Variants in ODR4 observed in about 807,000 individuals in gnomAD.
ODR4 encodes odr-4 GPCR localization factor homolog.
In ODR4, 47 loss-of-function variants were observed where a neutral mutation model predicts 60.2. The observed-to-expected ratio is 0.78, with a 90% CI of 0.62 to 1.00. ODR4 has a LOEUF of 1.00. Ranked by LOEUF, ODR4 falls within the 50% of genes least tolerant of loss-of-function variation. The probability of loss-of-function intolerance (pLI) is 0.00; values close to 1 mark genes in which losing one functional copy is unlikely to be tolerated. For synonymous variants in ODR4, 178 were observed against 175.5 expected (o/e 1.01, Z -0.11); for missense variants, 488 against 530.8 (o/e 0.92, Z 0.79).
rs1184992846 is a variant in ODR4 at position 186,419,114 on chromosome 1, A to T, written c.*38A>T. ...AGAGTTTCTTGATCATCCAGAGAAC[A>T]TTGACAGACAATTATGAATAATAAA... is the stretch of plus-strand genomic sequence containing the variant. On this transcript the variant is annotated 3_prime_UTR_variant, in exon 14 of 14. Transcript: ENST00000287859. 6.6e-7 allele frequency: 1 copy of T among 1,505,010 alleles called. No individual in the cohort carries two copies. The highest frequency in any genetic ancestry group is 9.2e-7 in the Non-Finnish European group (1 of 1,088,806). 93.2% of individuals were successfully genotyped at this position (1,505,010 alleles called of 1,614,324 possible). A position where few individuals can be genotyped will look rare whatever the true frequency, so the allele number is the denominator to read the frequency against.
chr1:186,411,291 C>T (rs1661374765), intron 12 of ODR4, among the ~76,000 whole-genome samples: 1 of 152,086 alleles, frequency 6.6e-6, no homozygotes, highest in Non-Finnish European at 1.5e-5. Flanking sequence ...ATGAGGAATA[C>T]TCAACCTGTA....
At position 186,386,009 on chromosome 1, in the gene ODR4, G is replaced by A; in HGVS notation, c.256G>A (p.Gly86Arg). The A allele has an allele frequency of 1.3e-6, 2 of 1,599,728 alleles. No individual in the cohort carries two copies. Among genetic ancestry groups the A allele is most frequent in the South Asian group, 1.1e-5 (1 of 89,420 alleles). ...ACQVSRMLPG[G>R]LLVLGVFIIT... ...TTAGGTATCCAGAATGCTACCAGGGGGACTTTTAGTTCTTGGAGTATTTAT... is the reference window on the plus strand; with the variant it reads ...TTAGGTATCCAGAATGCTACCAGGGAGACTTTTAGTTCTTGGAGTATTTAT... Residue 86 changes from glycine to arginine, a missense_variant, in exon 4 of 14, where the codon GGA becomes AGA. By Grantham distance (125) the Gly-to-Arg change is moderately radical (BLOSUM62 -2). Coordinates refer to ENST00000287859, the MANE Select transcript of ODR4 (RefSeq NM_017847.6).
rs1480988368 is a variant in ODR4 at position 186,401,127 on chromosome 1, A to G, written c.1000+2083A>G. On this transcript the variant is annotated intron_variant, in intron 11 of 13. Transcript: ENST00000287859. ...ACTCTTCTATTTAAAAATCCTTTATAAAAGTGGTATTATATGGCTATCCTG... is the reference window on the plus strand; with the variant it reads ...ACTCTTCTATTTAAAAATCCTTTATGAAAGTGGTATTATATGGCTATCCTG... 7 of 1,596,534 alleles carry G rather than the reference A, an allele frequency of 4.4e-6. No individual in the cohort carries two copies. The African/African-American group carries it at 5.4e-5, about 12-fold the overall frequency.
At chr1:186,387,476 G>A (rs544193042) in intron 4 of ODR4, among the ~76,000 whole-genome samples, 9 of 152,080 alleles carry the variant, frequency 5.9e-5, no homozygotes, top group Non-Finnish European at 1.3e-4. Context: ...CCTTGCTTTT[G>A]TATCTTTTGT....
intron 1 of ODR4, 149 bp downstream of exon 1, chr1:186,376,123 C>G (rs1356616103): frequency 6.6e-6 from 1 of 152,072 alleles, no homozygotes; most frequent in African/African-American, 2.4e-5. Context: ...AAACGGCGTA[C>G]CTAAATGGTT....
At chr1:186,381,477 G>A (rs1207965882) in intron 2 of ODR4, among the ~76,000 whole-genome samples, 2 of 152,026 alleles carry the variant, frequency 1.3e-5, no homozygotes, top group Admixed American at 6.6e-5. Context: ...ACAGGCGCCC[G>A]CCACCTCGCC....
At chr1:186,412,571 A>ACAT (rs1211174226) in intron 12 of ODR4, among the ~76,000 whole-genome samples, 11 of 152,198 alleles carry the variant, frequency 7.2e-5, no homozygotes, top group African/African-American at 2.4e-4. Context: ...TAGAATAAAA[A>ACAT]CATACATTTT....
the ODR4 span, among the ~76,000 whole-genome samples, chr1:186,433,016 C>T: frequency 2.6e-5 from 4 of 152,006 alleles, no homozygotes; most frequent in East Asian, 1.9e-4. Context: ...GAACTCCTGA[C>T]CTCAAGATCC....
At chr1:186,383,410 A>G (rs2102019344) in intron 3 of ODR4, among the ~76,000 whole-genome samples, 1 of 152,308 alleles carries the variant, frequency 6.6e-6, no homozygotes, top group African/African-American at 2.4e-5. Context: ...ATATATCATC[A>G]AATAAATAAT....
chr1:186,411,658 G>A (rs974811266), intron 12 of ODR4, among the ~76,000 whole-genome samples: 61 of 151,754 alleles, frequency 4.0e-4, no homozygotes, highest in African/African-American at 4.6e-4. Context: ...TTAAAATAAC[G>A]TAAAAATCTT....
rs144273066 is a variant in ODR4 at position 186,413,164 on chromosome 1, G to C, written c.1187-4380G>C. Among the ~76,000 whole-genome samples, 24 of 152,008 alleles carry C rather than the reference G, an allele frequency of 1.6e-4. No individual in the cohort carries two copies. The East Asian group carries it at 4.6e-3, about 29-fold the overall frequency. On this transcript the variant is annotated intron_variant, in intron 12 of 13. Coordinates refer to ENST00000287859, the MANE Select transcript of ODR4 (RefSeq NM_017847.6). ...TGAAATACAAAATGCTCCAAAATTA[G>C]AAACTTTTTGAGCACCAACATGATG...
intron 11 of ODR4, 134 bp from the exon 12 acceptor site, chr1:186,405,949 T>A (rs1342857726): frequency 1.6e-6 from 1 of 642,322 alleles, no homozygotes; most frequent in Non-Finnish European, 2.3e-6. Context: ...TTGTGCCAGA[T>A]CAACCAGAAA....
chr1:186,418,483 G>A (rs1030807687), intron 13 of ODR4, among the ~76,000 whole-genome samples: 97 of 151,444 alleles, frequency 6.4e-4, no homozygotes, highest in African/African-American at 2.2e-3. Flanking sequence ...GTAGAGATGG[G>A]GATTTTCTTT....
rs144807802 is a variant in ODR4, at chr1:186,403,865, A to G, written c.1001-2218A>G. ...AAACCTCTTACCTTTGCCCATCCCC[A>G]CATCAGTATCCTCTGTACCACTCCA... On this transcript the variant is annotated intron_variant, in intron 11 of 13. Transcript: ENST00000287859. Among the ~76,000 whole-genome samples, 606 of 152,148 alleles carry G rather than the reference A, an allele frequency of 4.0e-3. 9 individuals carry two copies. The highest frequency in any genetic ancestry group is 0.014 in the African/African-American group (589 of 41,514).
chr1:186,420,845 C>A lies in ODR4; in HGVS notation c.*1769C>A, dbSNP rs1199064650. 6.6e-6 allele frequency: 1 copy of A among 152,116 alleles called. No individual in the cohort carries two copies. The highest frequency in any genetic ancestry group is 1.5e-5 in the Non-Finnish European group (1 of 68,004). 9.4% of individuals were successfully genotyped at this position (152,116 alleles called of 1,614,324 possible). A position where few individuals can be genotyped will look rare whatever the true frequency, so the allele number is the denominator to read the frequency against. On this transcript the variant is annotated 3_prime_UTR_variant, in exon 14 of 14. Transcript: ENST00000287859. Reference sequence around the variant, plus strand: ...AGGAGAGGCAGTACTTGAAAGATAACACAATTTTACAAATTTGTTGGAAAA... The same window carrying A: ...AGGAGAGGCAGTACTTGAAAGATAAAACAATTTTACAAATTTGTTGGAAAA...
At chr1:186,382,386 C>G (rs892584263) in intron 2 of ODR4, among the ~76,000 whole-genome samples, 2 of 151,960 alleles carry the variant, frequency 1.3e-5, no homozygotes, top group South Asian at 2.1e-4. Context: ...GATCACACCA[C>G]TGCACTCCAG....
chr1:186,429,574 C>T, the ODR4 span, among the ~76,000 whole-genome samples: 1 of 152,154 alleles, frequency 6.6e-6, no homozygotes, highest in Admixed American at 6.5e-5. Context: ...TCTTTTACTA[C>T]AGTGCCTCTG....
the ODR4 span, among the ~76,000 whole-genome samples, chr1:186,430,991 A>G: frequency 6.6e-6 from 1 of 152,122 alleles, no homozygotes; most frequent in Admixed American, 6.6e-5. Flanking sequence ...TGTAGAAACA[A>G]GATAGATGAC....
intron 9 of ODR4, among the ~76,000 whole-genome samples, chr1:186,395,151 G>C (rs1660621908): frequency 6.6e-6 from 1 of 152,158 alleles, no homozygotes; most frequent in Admixed American, 6.5e-5. Context: ...CTGGAGTGCA[G>C]TGGTGCGATC....
Sources: gnomAD v4.1 joint callset for allele counts (sites outside exome capture counted in the v4.1 genomes callset) on GRCh38, gnomAD v4.1.1 for gene constraint, MANE v1.5 for transcripts, NCBI Gene and HGNC (gene_info 2026-07-23, HGNC 2026-07-21) for gene names.